The following DLGAP1 variants were observed in gnomAD, a reference collection of about 807,000 sequenced individuals.
DLGAP1 encodes disks large-associated protein 1.
A neutral mutation model predicts 90.8 loss-of-function variants in DLGAP1; 11 were observed. The observed-to-expected ratio is 0.12, with a 90% CI of 0.08 to 0.20. DLGAP1 has a LOEUF of 0.20. Ranked by LOEUF, DLGAP1 falls within the 10% of genes least tolerant of loss-of-function variation. The pLI is 1.00. For missense variants in DLGAP1, 1,050 were observed against 1,333.8 expected (o/e 0.79, Z 3.31); for synonymous variants, 558 against 540.7 (o/e 1.03, Z -0.44).
intron 4 of DLGAP1, among the ~76,000 whole-genome samples, chr18:3,863,455 G>C (rs187458572): frequency 9.0e-4 from 137 of 152,306 alleles, no homozygotes; most frequent in Admixed American, 1.9e-3. Context: ...TGGAGATAAA[G>C]TTAAGTTTTG....
chr18:4,187,767 G>T (rs2077324512), intron 1 of DLGAP1, among the ~76,000 whole-genome samples: 1 of 152,116 alleles, frequency 6.6e-6, no homozygotes, highest in Non-Finnish European at 1.5e-5. Context: ...GGAGGCTGAG[G>T]TAGGTGGATC....
chr18:3,756,177 G>A (rs765937423), intron 5 of DLGAP1, among the ~76,000 whole-genome samples: 1 of 152,154 alleles, frequency 6.6e-6, no homozygotes, highest in East Asian at 1.9e-4. Context: ...AGCCTCCCGA[G>A]TAGCTGGGAC....
At chr18:3,703,784 G>A (rs546792176) in intron 7 of DLGAP1, among the ~76,000 whole-genome samples, 7 of 152,080 alleles carry the variant, frequency 4.6e-5, no homozygotes, top group Middle Eastern at 3.4e-3. Flanking sequence ...CTCCATTTAC[G>A]GTTGACATGC....
At chr18:4,226,718 T>C (rs1357907594) in intron 1 of DLGAP1, among the ~76,000 whole-genome samples, 1 of 128,276 alleles carries the variant, frequency 7.8e-6, no homozygotes, top group Non-Finnish European at 1.7e-5. Context: ...CACAAAAAAA[T>C]AGAAAGCAAT....
At chr18:3,527,414 T>TTTTG (rs2051706722) in intron 10 of DLGAP1, among the ~76,000 whole-genome samples, 1 of 145,932 alleles carries the variant, frequency 6.9e-6, no homozygotes, top group African/African-American at 2.5e-5. Flanking sequence ...TCCAAACTTT[T>TTTTG]TTTTTTTTTT....
chr18:3,857,556 T>G (rs2069726754), intron 4 of DLGAP1, among the ~76,000 whole-genome samples: 1 of 152,220 alleles, frequency 6.6e-6, no homozygotes, highest in Non-Finnish European at 1.5e-5. Flanking sequence ...CCATTCCTTG[T>G]CTGACTGGAC....
Position 4,070,450 on chromosome 18 carries a change from G to T in DLGAP1, c.-158-65249C>A, listed in dbSNP as rs372652367. 3.9e-5 allele frequency among the ~76,000 whole-genome samples: 6 copies of T among 152,166 alleles called. No individual in the cohort carries two copies. The East Asian group carries it at 1.2e-3, about 29-fold the overall frequency. On this transcript the variant is annotated intron_variant, in intron 2 of 12. Coordinates refer to ENST00000315677, the MANE Select transcript of DLGAP1 (RefSeq NM_004746.4). ...ACACTGATTAATCAACATCTGAAAA[G>T]AGAATATCGGTTTTGGAAAATTCAA...
chr18:4,324,114 C>A (rs1461509331), intron 1 of DLGAP1, among the ~76,000 whole-genome samples: 1 of 151,374 alleles, frequency 6.6e-6, no homozygotes, highest in Non-Finnish European at 1.5e-5. Flanking sequence ...TAAGATAGAC[C>A]ACTAACTACA....
rs909092058 is a variant in DLGAP1 at position 3,526,071 on chromosome 18, C to T, written c.2479+8123G>A. Reference sequence around the variant, plus strand: ...CCACTTCCTCTGCGGTCACTAATTTCAGGTTGTCTGGAGCTTACAAAAAGA... The same window carrying T: ...CCACTTCCTCTGCGGTCACTAATTTTAGGTTGTCTGGAGCTTACAAAAAGA... On this transcript the variant is annotated intron_variant, in intron 10 of 12. Coordinates refer to ENST00000315677, the MANE Select transcript of DLGAP1 (RefSeq NM_004746.4). The surrounding 1 kb of genome is among the most constrained non-coding windows in gnomAD (Gnocchi z 4.7). Among the ~76,000 whole-genome samples, 1 of 152,198 alleles carries T rather than the reference C, an allele frequency of 6.6e-6. No homozygotes were observed. Among genetic ancestry groups the T allele is most frequent in the Non-Finnish European group, 1.5e-5 (1 of 68,038 alleles).
chr18:4,289,614 G>C (rs564530554), intron 1 of DLGAP1, among the ~76,000 whole-genome samples: 1 of 151,942 alleles, frequency 6.6e-6, no homozygotes, highest in African/African-American at 2.4e-5. Flanking sequence ...TAGGAGTGGA[G>C]GTATTTCCTT....
intron 7 of DLGAP1, among the ~76,000 whole-genome samples, chr18:3,646,720 T>C (rs55971487): frequency 0.04 from 6,140 of 152,022 alleles, 201 homozygotes; most frequent in East Asian, 0.17. Flanking sequence ...GTCAGGAGAT[T>C]GAGACCATCC....
At chr18:3,573,569 C>T (rs1297170598) in intron 8 of DLGAP1, among the ~76,000 whole-genome samples, 1 of 151,844 alleles carries the variant, frequency 6.6e-6, no homozygotes, top group Non-Finnish European at 1.5e-5. Flanking sequence ...GAATTATTTG[C>T]TTCATGAATG....
chr18:4,249,447 C>CA (rs11301773), intron 1 of DLGAP1, among the ~76,000 whole-genome samples: 3,280 of 101,532 alleles, frequency 0.032, 182 homozygotes, highest in African/African-American at 0.11. Context: ...AATGTTCTGG[C>CA]AAAAAAAAAA....
intron 9 of DLGAP1, among the ~76,000 whole-genome samples, chr18:3,540,946 G>A (rs1228435481): frequency 6.6e-6 from 1 of 152,162 alleles, no homozygotes; most frequent in Non-Finnish European, 1.5e-5. Context: ...GCACCAGCTG[G>A]GCAGGTGCTA....
At chr18:4,332,769 A>G (rs2080978982) in intron 1 of DLGAP1, among the ~76,000 whole-genome samples, 1 of 151,974 alleles carries the variant, frequency 6.6e-6, no homozygotes, top group African/African-American at 2.4e-5. Context: ...CTCCAAATTG[A>G]CTTCAAAGTG....
chr18:3,746,167 T>C (rs1330998302), intron 5 of DLGAP1, among the ~76,000 whole-genome samples: 1 of 152,188 alleles, frequency 6.6e-6, no homozygotes, highest in Non-Finnish European at 1.5e-5. Context: ...ATAATGGAGT[T>C]AGACCTTTTT....
chr18:4,235,874 C>T (rs888403262), intron 1 of DLGAP1, among the ~76,000 whole-genome samples: 3 of 151,862 alleles, frequency 2.0e-5, no homozygotes, highest in Non-Finnish European at 2.9e-5. Context: ...TGCAGGCATG[C>T]GCCACCATGC....
At chr18:3,874,829 T>C in intron 4 of DLGAP1, 1 of 1,343,956 alleles carries the variant, frequency 7.4e-7, no homozygotes. Context: ...TCCCTTTTTT[T>C]ATTAACTGCA....
chr18:4,081,316 A>AG (rs2075604759), intron 2 of DLGAP1, among the ~76,000 whole-genome samples: 4 of 136,330 alleles, frequency 2.9e-5, no homozygotes, highest in Admixed American at 1.4e-4. Flanking sequence ...ACTCCGTCTC[A>AG]GGAAAAAAAA....
Sources: allele counts gnomAD v4.1 joint callset (sites outside exome capture counted in the v4.1 genomes callset), GRCh38; gene constraint gnomAD v4.1.1; non-coding constraint Gnocchi (gnomAD v3.1); transcripts MANE v1.5; gene names NCBI Gene and HGNC (gene_info 2026-07-23, HGNC 2026-07-21).